The following STK32B variants were observed in gnomAD, a reference collection of about 807,000 sequenced individuals.
The protein encoded by STK32B is serine/threonine kinase 32B.
STK32B carries 43 observed loss-of-function variants against 52.6 expected under a neutral mutation model. The observed-to-expected ratio is 0.82, with a 90% CI of 0.64 to 1.05. The LOEUF is 1.05. Among genes scored for constraint, STK32B ranks in the 50% least tolerant of loss-of-function variants. The pLI is 0.00. For missense variants in STK32B, 621 were observed against 534.6 expected, an observed-to-expected ratio of 1.16 and a Z score of -1.59; for synonymous variants, 238 against 204.3, an observed-to-expected ratio of 1.17 and a Z score of -1.41.
intron 3 of STK32B, among the ~76,000 whole-genome samples, chr4:5,185,566 G>A (rs1720679548): frequency 1.3e-5 from 2 of 152,208 alleles, no homozygotes; most frequent in Admixed American, 6.5e-5. Flanking sequence ...ACAGAGACTG[G>A]AAGGCATCAG....
At chr4:5,079,045 G>A (rs542734939) in intron 1 of STK32B, among the ~76,000 whole-genome samples, 2 of 152,278 alleles carry the variant, frequency 1.3e-5, no homozygotes, top group Admixed American at 6.5e-5. Flanking sequence ...AGAGACAATT[G>A]TTATGCCTTA....
intron 7 of STK32B, 115 bp downstream of exon 7, chr4:5,446,891 C>G: frequency 1.1e-6 from 1 of 935,120 alleles, no homozygotes; most frequent in African/African-American, 1.6e-5. Context: ...CTGGGGGAGT[C>G]ACTGCCCCCC....
At chr4:5,332,905 T>C (rs1327064109) in intron 4 of STK32B, among the ~76,000 whole-genome samples, 1 of 152,194 alleles carries the variant, frequency 6.6e-6, no homozygotes, top group Non-Finnish European at 1.5e-5. Flanking sequence ...TTGTTGGACA[T>C]TTGGGTTGGT....
intron 3 of STK32B, among the ~76,000 whole-genome samples, chr4:5,220,918 A>G (rs1361372002): frequency 1.3e-5 from 2 of 152,166 alleles, no homozygotes; most frequent in African/African-American, 2.4e-5. Flanking sequence ...TGAGAATTCT[A>G]TTCTTTAAGG....
chr4:5,359,689 G>C (rs1270728567), intron 4 of STK32B, among the ~76,000 whole-genome samples: 1 of 152,172 alleles, frequency 6.6e-6, no homozygotes, highest in Non-Finnish European at 1.5e-5. Flanking sequence ...GGACATGTGA[G>C]TAAAGAGCTG....
intron 3 of STK32B, among the ~76,000 whole-genome samples, chr4:5,330,877 G>C (rs572045121): frequency 1.3e-5 from 2 of 152,322 alleles, no homozygotes; most frequent in East Asian, 1.9e-4. Context: ...CCTACGAACA[G>C]TGACACCATC....
At chr4:5,202,969 G>A (rs1167817222) in intron 3 of STK32B, among the ~76,000 whole-genome samples, 2 of 152,172 alleles carry the variant, frequency 1.3e-5, no homozygotes, top group African/African-American at 4.8e-5. Context: ...CTTGGTTTGG[G>A]AAGCAAATTC....
intron 3 of STK32B, among the ~76,000 whole-genome samples, chr4:5,290,428 A>G (rs191985866): frequency 1.8e-3 from 281 of 152,212 alleles, no homozygotes; most frequent in African/African-American, 6.3e-3. Flanking sequence ...TTTTTGTTAA[A>G]TACTAAGACA....
At chr4:5,158,324 C>T (rs1400597007) in intron 2 of STK32B, among the ~76,000 whole-genome samples, 3 of 152,118 alleles carry the variant, frequency 2.0e-5, no homozygotes, top group Admixed American at 2.0e-4. Flanking sequence ...GGTCCCTGTG[C>T]CTTGCCTTGC....
intron 1 of STK32B, among the ~76,000 whole-genome samples, chr4:5,080,023 G>A (rs1415412870): frequency 2.1e-5 from 3 of 146,104 alleles, no homozygotes; most frequent in South Asian, 2.3e-4. Context: ...AGATCAAACC[G>A]TTCTGGAGAC....
intron 2 of STK32B, among the ~76,000 whole-genome samples, chr4:5,147,549 T>C (rs1320011094): frequency 6.6e-6 from 1 of 152,094 alleles, no homozygotes; most frequent in Non-Finnish European, 1.5e-5. Flanking sequence ...AAGAACATCT[T>C]TACCTGTAAG....
chr4:5,364,685 T>G (rs1486462233), intron 4 of STK32B, among the ~76,000 whole-genome samples: 1 of 151,992 alleles, frequency 6.6e-6, no homozygotes, highest in African/African-American at 2.4e-5. Flanking sequence ...TAGAATCATA[T>G]TCAGTAGGGA....
chr4:5,315,832 G>A (rs1730639895), intron 3 of STK32B, among the ~76,000 whole-genome samples: 1 of 151,420 alleles, frequency 6.6e-6, no homozygotes, highest in Non-Finnish European at 1.5e-5. Flanking sequence ...AGCCTCCTGA[G>A]TAGCTGGAAT....
chr4:5,356,089 C>T (rs935035922), intron 4 of STK32B, among the ~76,000 whole-genome samples: 1 of 152,112 alleles, frequency 6.6e-6, no homozygotes, highest in Admixed American at 6.5e-5. Flanking sequence ...GACCACCTCC[C>T]TGGGCAGGGC....
chr4:5,254,789 T>C (rs1000449685), intron 3 of STK32B, among the ~76,000 whole-genome samples: 1 of 152,152 alleles, frequency 6.6e-6, no homozygotes, highest in African/African-American at 2.4e-5. Flanking sequence ...GGTGCTATGT[T>C]CTTTGACACA....
At chr4:5,132,379 G>A (rs1260923867) in intron 1 of STK32B, among the ~76,000 whole-genome samples, 2 of 152,114 alleles carry the variant, frequency 1.3e-5, no homozygotes, top group Non-Finnish European at 2.9e-5. Flanking sequence ...TACCTATTAG[G>A]AACTATGCTT....
chr4:5,315,789 C>G (rs150778727), intron 3 of STK32B, among the ~76,000 whole-genome samples: 3,983 of 151,156 alleles, frequency 0.026, 58 homozygotes, highest in Non-Finnish European at 0.042. Context: ...ACTGCAACCT[C>G]TGCCTCCTGG....
chr4:5,385,903 A>G (rs1280800838), intron 4 of STK32B, among the ~76,000 whole-genome samples: 1 of 127,508 alleles, frequency 7.8e-6, no homozygotes, highest in Admixed American at 7.7e-5. Context: ...ACCCCTAGCT[A>G]TACCCACATT....
intron 4 of STK32B, among the ~76,000 whole-genome samples, chr4:5,335,610 G>T (rs1474689762): frequency 6.6e-6 from 1 of 151,680 alleles, no homozygotes; most frequent in African/African-American, 2.4e-5. Context: ...TCTCTTGTGG[G>T]CATTTAGTGC....
Sources: gnomAD v4.1 joint callset for allele counts (sites outside exome capture counted in the v4.1 genomes callset) on GRCh38, gnomAD v4.1.1 for gene constraint, MANE v1.5 for transcripts, NCBI Gene and HGNC (gene_info 2026-07-23, HGNC 2026-07-21) for gene names.